ST6GALNAC3: variants seen among roughly 807,000 people sequenced by gnomAD.
The protein encoded by ST6GALNAC3 is ST6 N-acetylgalactosaminide alpha-2,6-sialyltransferase 3, also known as alpha-N-acetylgalactosaminide alpha-2,6-sialyltransferase 3.
ST6GALNAC3 carries 25 observed loss-of-function variants against 32.7 expected under a neutral mutation model. The ratio of observed to expected loss-of-function variants is 0.76; its 90% CI spans 0.56 to 1.07. ST6GALNAC3 has a LOEUF of 1.07. Among genes scored for constraint, ST6GALNAC3 ranks in the 50% least tolerant of loss-of-function variants. The probability of loss-of-function intolerance (pLI) is 0.00; values close to 1 mark genes in which losing one functional copy is unlikely to be tolerated. For synonymous variants in ST6GALNAC3, 129 were observed against 133.1 expected (o/e 0.97, Z 0.21); for missense variants, 355 against 382.4 (o/e 0.93, Z 0.60).
intron 1 of ST6GALNAC3, among the ~76,000 whole-genome samples, chr1:76,098,956 G>A (rs530486085): frequency 6.6e-6 from 1 of 151,998 alleles, no homozygotes; most frequent in East Asian, 1.9e-4. Context: ...TCTGTATGAT[G>A]TAAAATAGGG....
chr1:76,313,817 A>ATTGCTGT lies in ST6GALNAC3; in HGVS notation c.32_38dup (p.Ser14CysfsTer19). ...TAATGTTTTGTAGAGAAAGTCTGTGATTGCTGTGAGCTTCATAGCAGCGTT... is the reference window on the plus strand; with the variant it reads ...TAATGTTTTGTAGAGAAAGTCTGTGATTGCTGTTTGCTGTGAGCTTCATAGCAGCGTT... On this transcript the variant is annotated frameshift_variant, in exon 2 of 5. Transcript: ENST00000328299. LOFTEE classifies it high-confidence loss of function. 6.2e-7 allele frequency: 1 copy of ATTGCTGT among 1,612,950 alleles called. No homozygotes were observed. The highest frequency in any genetic ancestry group is 8.5e-7 in the Non-Finnish European group (1 of 1,179,382).
chr1:76,559,826 C>G, intron 3 of ST6GALNAC3, among the ~76,000 whole-genome samples: 1 of 152,118 alleles, frequency 6.6e-6, no homozygotes, highest in Non-Finnish European at 1.5e-5. Flanking sequence ...GAGGTGACAG[C>G]ATGGTGGAGA....
intron 1 of ST6GALNAC3, among the ~76,000 whole-genome samples, chr1:76,218,340 C>A (rs1015285396): frequency 2.6e-5 from 4 of 152,186 alleles, no homozygotes; most frequent in African/African-American, 9.6e-5. Context: ...AGCCTCCTGC[C>A]CATGTCAAAG....
At chr1:76,272,056 G>A (rs532918041) in intron 1 of ST6GALNAC3, among the ~76,000 whole-genome samples, 37 of 152,080 alleles carry the variant, frequency 2.4e-4, no homozygotes, top group East Asian at 1.9e-3. Context: ...AGCCGGGCGC[G>A]GTGGCTCACG....
Position 76,630,873 on chromosome 1 carries a change from A to G in ST6GALNAC3, c.*2067A>G. On this transcript the variant is annotated 3_prime_UTR_variant, in exon 5 of 5. Transcript: ENST00000328299. Reference sequence around the variant, plus strand: ...CTCAAAGAAAAATAAACAGAGACAAATGTTAAAATTGCCATACAGACTGTT... The same window carrying G: ...CTCAAAGAAAAATAAACAGAGACAAGTGTTAAAATTGCCATACAGACTGTT... 5.1e-6 allele frequency: 5 copies of G among 985,700 alleles called. No homozygotes were observed. The highest frequency in any genetic ancestry group is 6.0e-6 in the Non-Finnish European group (5 of 829,850). The allele number at this position is 985,700 out of a possible 1,614,324, so 61.1% of individuals were successfully genotyped here.
At chr1:76,402,580 G>A (rs1653509903) in intron 2 of ST6GALNAC3, among the ~76,000 whole-genome samples, 1 of 152,116 alleles carries the variant, frequency 6.6e-6, no homozygotes, top group South Asian at 2.1e-4. Flanking sequence ...ATACCTTACA[G>A]TAGCTTCATC....
chr1:76,184,664 G>A (rs982387332), intron 1 of ST6GALNAC3, among the ~76,000 whole-genome samples: 1 of 152,052 alleles, frequency 6.6e-6, no homozygotes, highest in Non-Finnish European at 1.5e-5. Flanking sequence ...ATCACTGGGA[G>A]CAAACCAACC....
intron 1 of ST6GALNAC3, among the ~76,000 whole-genome samples, chr1:76,098,417 A>G (rs1035282919): frequency 6.6e-6 from 1 of 152,204 alleles, no homozygotes; most frequent in Non-Finnish European, 1.5e-5. Flanking sequence ...GAAGTATCAC[A>G]GAAGTTCCTT....
intron 1 of ST6GALNAC3, among the ~76,000 whole-genome samples, chr1:76,199,385 T>G (rs1654396773): frequency 1.3e-5 from 2 of 152,192 alleles, no homozygotes; most frequent in Admixed American, 1.3e-4. Context: ...TAAGGAAAAT[T>G]CCCTGGAGTT....
At chr1:76,483,217 T>G (rs1443226795) in intron 3 of ST6GALNAC3, among the ~76,000 whole-genome samples, 1 of 152,180 alleles carries the variant, frequency 6.6e-6, no homozygotes, top group Non-Finnish European at 1.5e-5. Context: ...CAGCATGATT[T>G]GTAATCCTTC....
intron 1 of ST6GALNAC3, among the ~76,000 whole-genome samples, chr1:76,160,821 C>T (rs1196556875): frequency 6.6e-6 from 1 of 152,172 alleles, no homozygotes; most frequent in Non-Finnish European, 1.5e-5. Context: ...TGGACTTTCA[C>T]CAGTCCACAA....
chr1:76,603,599 A>G (rs1647342381), intron 3 of ST6GALNAC3, among the ~76,000 whole-genome samples: 1 of 152,182 alleles, frequency 6.6e-6, no homozygotes, highest in Admixed American at 6.5e-5. Context: ...AACTAAAATA[A>G]CAGTTACTCC....
chr1:76,451,532 C>A (rs1657403837), intron 3 of ST6GALNAC3, among the ~76,000 whole-genome samples: 1 of 152,184 alleles, frequency 6.6e-6, no homozygotes. Flanking sequence ...ACATCCAAAT[C>A]ATATCACCAT....
intron 3 of ST6GALNAC3, among the ~76,000 whole-genome samples, chr1:76,579,425 A>G (rs541368511): frequency 1.0e-3 from 154 of 152,172 alleles, no homozygotes; most frequent in African/African-American, 3.5e-3. Context: ...GTTTTTATAT[A>G]TGAGTAGAAT....
chr1:76,266,329 G>T (rs1475774088), intron 1 of ST6GALNAC3, among the ~76,000 whole-genome samples: 1 of 152,074 alleles, frequency 6.6e-6, no homozygotes, highest in Non-Finnish European at 1.5e-5. Flanking sequence ...CTATCAAGTA[G>T]GTCTGTAGAT....
intron 1 of ST6GALNAC3, among the ~76,000 whole-genome samples, chr1:76,296,010 C>T (rs1399083248): frequency 6.6e-6 from 1 of 151,916 alleles, no homozygotes; most frequent in African/African-American, 2.4e-5. Flanking sequence ...AATAATTATG[C>T]CAAAGTAGCA....
In ST6GALNAC3 at chr1:76,437,681, T is replaced by C. The variant is rs556400275; in HGVS notation, c.623+25264T>C. The stretch of plus-strand genomic sequence containing the variant: ...CAACCTCTGCCTCCCGAGTTCAAGC[T>C]ATTCTCCTGCCTCAGCCTCCTGAGT... On this transcript the variant is annotated intron_variant, in intron 3 of 4. Coordinates refer to ENST00000328299, the MANE Select transcript of ST6GALNAC3 (RefSeq NM_152996.4). Among the ~76,000 whole-genome samples the C allele has an allele frequency of 1.7e-4, 25 of 150,968 alleles. 1 individual carries two copies. The highest frequency in any genetic ancestry group is 5.8e-4 in the African/African-American group (24 of 41,108).
At position 76,223,661 on chromosome 1, in the gene ST6GALNAC3, A is replaced by T. The variant is rs1655905523; in HGVS notation, c.19-90144A>T. On this transcript the variant is annotated intron_variant, in intron 1 of 4. Coordinates refer to ENST00000328299, the MANE Select transcript of ST6GALNAC3 (RefSeq NM_152996.4). ...TATCTTGCAGTTGGTCAAAGTAGTT[A>T]AGAACCTGTGTAATAGTGTTTTCTG... is the stretch of plus-strand genomic sequence containing the variant. Among the ~76,000 whole-genome samples, 3 of 152,208 alleles carry T rather than the reference A, an allele frequency of 2.0e-5. No homozygotes were observed. The South Asian group carries it at 6.2e-4, about 31-fold the overall frequency.
chr1:76,317,448 G>C (rs1646886426), intron 2 of ST6GALNAC3, among the ~76,000 whole-genome samples: 1 of 152,096 alleles, frequency 6.6e-6, no homozygotes, highest in South Asian at 2.1e-4. Context: ...CCATGCTTCA[G>C]AGATTATCAC....
Sources: allele counts gnomAD v4.1 joint callset (sites outside exome capture counted in the v4.1 genomes callset), GRCh38; gene constraint gnomAD v4.1.1; transcripts MANE v1.5; gene names NCBI Gene and HGNC (gene_info 2026-07-23, HGNC 2026-07-21).